Variants in NXN observed in about 807,000 individuals in gnomAD.
The protein encoded by NXN is nucleoredoxin 1.
In NXN, 16 loss-of-function variants were observed where a neutral mutation model predicts 48.6. The observed-to-expected ratio is 0.33, with a 90% CI of 0.22 to 0.50. NXN has a LOEUF of 0.50. NXN is among the 20% of genes least tolerant of loss of function. The pLI, the probability that NXN is intolerant of heterozygous loss-of-function variation, is 0.98. For synonymous variants in NXN, 281 were observed against 269.6 expected, an observed-to-expected ratio of 1.04 and a Z score of -0.41; for missense variants, 492 against 605.5, an observed-to-expected ratio of 0.81 and a Z score of 1.97.
chr17:804,820 G>A (rs185437574), intron 6 of NXN, among the ~76,000 whole-genome samples: 43 of 152,320 alleles, frequency 2.8e-4, no homozygotes, highest in African/African-American at 7.7e-4. Context: ...GCATCCTCCC[G>A]GCCTGACCTA....
At position 979,649 on chromosome 17, in the gene NXN, G is replaced by A; in HGVS notation, c.30C>T (p.Gly10=). 1 of 1,471,902 alleles carries A rather than the reference G, an allele frequency of 6.8e-7. No individual in the cohort carries two copies. The highest frequency in any genetic ancestry group is 9.0e-7 in the Non-Finnish European group (1 of 1,111,802). The allele number at this position is 1,471,902 out of a possible 1,614,324, so 91.2% of individuals were successfully genotyped here. MSGFLEELL[G]EKLVTGGGEE... ...CGCCGCCGCCCGTCACCAGCTTCTC[G>A]CCGAGCAGCTCCTCCAGGAAGCCCG... The change falls in exon 1 of 8, where the codon GGC becomes GGT. Residue 10 remains glycine, a synonymous_variant. Coordinates refer to ENST00000336868, the MANE Select transcript of NXN (RefSeq NM_022463.5).
At chr17:934,740 G>GGC (rs146762564) in intron 1 of NXN, among the ~76,000 whole-genome samples, 2,330 of 151,714 alleles carry the variant, frequency 0.015, 83 homozygotes, top group African/African-American at 0.053. Flanking sequence ...TGGTCGTGAT[G>GGC]GCACGCACCT....
chr17:899,597 G>C (rs556419752), intron 1 of NXN, among the ~76,000 whole-genome samples: 1 of 152,290 alleles, frequency 6.6e-6, no homozygotes, highest in African/African-American at 2.4e-5. Flanking sequence ...TTAGCGCTGA[G>C]CCTTAAAAAA....
At position 805,201 on chromosome 17, in the gene NXN, C is replaced by T. The variant is rs143840961; in HGVS notation, c.867G>A (p.Thr289=). The T allele has an allele frequency of 2.7e-4, 439 of 1,611,760 alleles. No individual in the cohort carries two copies. The highest frequency in any genetic ancestry group is 3.4e-4 in the Non-Finnish European group (397 of 1,179,534). ...IMLDPQGEVI[T]RQGRVEVLND... ...TCAGCACCTCCACCCGCCCCTGCCG[C>T]GTGATCACCTCGCCCTGCGGGTCCA... Residue 289 remains threonine, a synonymous_variant, in exon 6 of 8, where the codon ACG becomes ACA. Coordinates refer to ENST00000336868, the MANE Select transcript of NXN (RefSeq NM_022463.5).
At chr17:976,237 C>A (rs1414291348) in intron 1 of NXN, among the ~76,000 whole-genome samples, 6 of 150,552 alleles carry the variant, frequency 4.0e-5, no homozygotes, top group Non-Finnish European at 8.8e-5. Flanking sequence ...GTGAGAGGAA[C>A]CAGGCAAAAT....
In NXN at chr17:971,693, G is replaced by A. The variant is rs147499704; in HGVS notation, c.360+7626C>T. Among the ~76,000 whole-genome samples, 874 of 151,352 alleles carry A rather than the reference G, an allele frequency of 5.8e-3. 11 individuals are homozygous for A. Among genetic ancestry groups the A allele is most frequent in the South Asian group, 0.035 (166 of 4,794 alleles). On this transcript the variant is annotated intron_variant, in intron 1 of 7. Coordinates refer to ENST00000336868, the MANE Select transcript of NXN (RefSeq NM_022463.5). Reference sequence around the variant, plus strand: ...CCACTGCACTCCAGCCTGGGTGACAGAGCGAGACTCCATCTCAAAAAAAAA... The same window carrying A: ...CCACTGCACTCCAGCCTGGGTGACAAAGCGAGACTCCATCTCAAAAAAAAA...
intron 1 of NXN, among the ~76,000 whole-genome samples, chr17:898,122 CCT>C (rs1157916132): frequency 6.6e-6 from 1 of 152,144 alleles, no homozygotes; most frequent in African/African-American, 2.4e-5. Context: ...CATCTTTGTT[CCT>C]GTCTTCATGG....
At chr17:942,772 C>T (rs377140530) in intron 1 of NXN, among the ~76,000 whole-genome samples, 405 of 73,096 alleles carry the variant, frequency 5.5e-3, no homozygotes, top group Middle Eastern at 0.027. Flanking sequence ...CCAAACACCT[C>T]CCTGGATTTA....
chr17:827,166 G>T (rs1444757975), intron 1 of NXN, among the ~76,000 whole-genome samples: 1 of 151,932 alleles, frequency 6.6e-6, no homozygotes, highest in East Asian at 1.9e-4. Flanking sequence ...CAACATGGTG[G>T]AACCCCGTCT....
chr17:857,054 G>T (rs1215390329), intron 1 of NXN, among the ~76,000 whole-genome samples: 1 of 152,146 alleles, frequency 6.6e-6, no homozygotes, highest in African/African-American at 2.4e-5. Context: ...ATTTCTGTCT[G>T]AATCCATTCA....
chr17:806,719 G>T (rs1024855711), intron 5 of NXN, among the ~76,000 whole-genome samples: 1 of 152,184 alleles, frequency 6.6e-6, no homozygotes, highest in Non-Finnish European at 1.5e-5. Context: ...CCTGTCGGGG[G>T]GATGCCGAGG....
chr17:807,551 C>T (rs1373671480), intron 5 of NXN, among the ~76,000 whole-genome samples: 3 of 152,342 alleles, frequency 2.0e-5, no homozygotes, highest in East Asian at 1.9e-4. Context: ...GCCTGCGGGG[C>T]CCAGGACAGC....
intron 1 of NXN, chr17:896,855 C>A (rs2144887444): frequency 9.1e-7 from 1 of 1,102,002 alleles, no homozygotes; most frequent in Non-Finnish European, 1.2e-6. Flanking sequence ...GCGGTCCTGA[C>A]CACCCGCCCC....
At chr17:896,853 GACCACC>G in intron 1 of NXN, 2 of 1,182,564 alleles carry the variant, frequency 1.7e-6, no homozygotes, top group Non-Finnish European at 2.2e-6. Context: ...ACGCGGTCCT[GACCACC>G]CGCCCCCGGC....
chr17:917,814 G>A lies in NXN; in HGVS notation c.360+61505C>T, dbSNP rs1321658661. On this transcript the variant is annotated intron_variant, in intron 1 of 7. Coordinates refer to ENST00000336868, the MANE Select transcript of NXN (RefSeq NM_022463.5). The surrounding 1 kb of genome is among the most constrained non-coding windows in gnomAD (Gnocchi z 4.5). ...CCTCGCAGAGGTGGGGACAAGGGCG[G>A]ATGGGAAAGGGGATAAGCGACAGGA... Among the ~76,000 whole-genome samples the A allele has an allele frequency of 6.6e-6, 1 of 152,216 alleles. No homozygotes were observed. Among genetic ancestry groups the A allele is most frequent in the East Asian group, 1.9e-4 (1 of 5,198 alleles).
chr17:874,594 T>C (rs541479881), intron 1 of NXN, among the ~76,000 whole-genome samples: 38 of 151,188 alleles, frequency 2.5e-4, no homozygotes, highest in African/African-American at 9.2e-4. Flanking sequence ...AAATAATAAA[T>C]AAACAATTAC....
At chr17:811,513 G>GGGA (rs1912006292) in intron 5 of NXN, among the ~76,000 whole-genome samples, 3 of 152,082 alleles carry the variant, frequency 2.0e-5, no homozygotes, top group Non-Finnish European at 4.4e-5. Flanking sequence ...CGGGGTTGGG[G>GGGA]GGGGGGCAGC....
intron 1 of NXN, among the ~76,000 whole-genome samples, chr17:833,362 G>A (rs1913603980): frequency 2.0e-5 from 3 of 152,076 alleles, no homozygotes; most frequent in Admixed American, 1.3e-4. Flanking sequence ...AAAAACACAC[G>A]AATCAGAAGG....
intron 1 of NXN, among the ~76,000 whole-genome samples, chr17:839,119 G>A (rs1567826097): frequency 6.6e-6 from 1 of 152,172 alleles, no homozygotes; most frequent in East Asian, 1.9e-4. Flanking sequence ...CACGTGCGGT[G>A]CTGACAACAC....
Sources: allele counts gnomAD v4.1 joint callset (sites outside exome capture counted in the v4.1 genomes callset), GRCh38; gene constraint gnomAD v4.1.1; non-coding constraint Gnocchi (gnomAD v3.1); transcripts MANE v1.5; gene names NCBI Gene and HGNC (gene_info 2026-07-23, HGNC 2026-07-21).